BRWD3: variants seen among roughly 807,000 people sequenced by gnomAD.
The protein encoded by BRWD3 is bromodomain and WD repeat domain containing 3, also known as bromodomain and WD repeat-containing protein 3.
In BRWD3, 10 loss-of-function variants were observed where a neutral mutation model predicts 149.7. The observed-to-expected ratio is 0.07, with a 90% CI of 0.04 to 0.11. BRWD3 has a LOEUF of 0.11. Ranked by LOEUF, BRWD3 falls within the 10% of genes least tolerant of loss-of-function variation. BRWD3 has a pLI of 1.00. For synonymous variants in BRWD3, 504 were observed against 456.7 expected (o/e 1.10, Z -1.32); for missense variants, 940 against 1,373.2 (o/e 0.68, Z 4.99).
intron 39 of BRWD3, 32 bp downstream of exon 39, chrX:80,681,965 T>C (rs2072453724): frequency 1.8e-6 from 2 of 1,099,520 alleles, no homozygotes; most frequent in South Asian, 3.7e-5. Flanking sequence ...TAAACCGAGA[T>C]GCAGAACACC....
At chrX:80,808,207 A>G (rs1269772157) in intron 4 of BRWD3, among the ~76,000 whole-genome samples, 1 of 108,761 alleles carries the variant, frequency 9.2e-6, no homozygotes, top group Admixed American at 9.9e-5. Flanking sequence ...AGACCTTAGT[A>G]CGTGCCCCAA....
chrX:80,678,721 A>G (rs777516622), intron 40 of BRWD3, among the ~76,000 whole-genome samples: 1 of 111,317 alleles, frequency 9.0e-6, no homozygotes, highest in Non-Finnish European at 1.9e-5. Context: ...TGGGGTCGGT[A>G]GGAAACAAGA....
intron 8 of BRWD3, among the ~76,000 whole-genome samples, chrX:80,743,032 T>C (rs1435896443): frequency 2.7e-5 from 3 of 111,717 alleles, no homozygotes; most frequent in African/African-American, 9.8e-5. Context: ...GGCTGTGGGT[T>C]TGTCACAGAT....
At chrX:80,722,331 T>C (rs988998328) in intron 17 of BRWD3, among the ~76,000 whole-genome samples, 1 of 111,847 alleles carries the variant, frequency 8.9e-6, no homozygotes, top group African/African-American at 3.3e-5. Context: ...GTCAATACAT[T>C]ATCTGCTTGA....
intron 6 of BRWD3, among the ~76,000 whole-genome samples, chrX:80,768,422 T>C (rs1415669884): frequency 9.0e-6 from 1 of 111,650 alleles, no homozygotes; most frequent in Non-Finnish European, 1.9e-5. Context: ...TGGGGGCCAA[T>C]ATTCAACATT....
chrX:80,725,152 T>G (rs2073199295), intron 14 of BRWD3, 85 bp from the exon 15 acceptor site: 5 of 968,309 alleles, frequency 5.2e-6, no homozygotes, highest in Non-Finnish European at 7.3e-6. Context: ...TGCTATCAGT[T>G]AGGTTCAAAT....
In BRWD3 at chrX:80,749,810, C is replaced by A. The variant is rs1304101313; in HGVS notation, c.431-4081G>T. Reference sequence around the variant, plus strand: ...ACACTCTTATGCAAAAACAATGAAGCTAGAGGCATCATGCTCCCTGATTTT... The same window carrying A: ...ACACTCTTATGCAAAAACAATGAAGATAGAGGCATCATGCTCCCTGATTTT... On this transcript the variant is annotated intron_variant, in intron 6 of 40. Transcript: ENST00000373275. Among the ~76,000 whole-genome samples the A allele has an allele frequency of 3.6e-5, 4 of 111,597 alleles. No homozygotes were observed. In the East Asian group the frequency reaches 1.1e-3, roughly 31 times the overall value.
chrX:80,795,318 C>T (rs1037998554), intron 4 of BRWD3, among the ~76,000 whole-genome samples: 1 of 109,493 alleles, frequency 9.1e-6, no homozygotes, highest in Non-Finnish European at 1.9e-5. Flanking sequence ...GCTACAATGT[C>T]AATTTTTATA....
intron 6 of BRWD3, chrX:80,746,790 A>G (rs779195218): frequency 1.5e-6 from 1 of 687,294 alleles, no homozygotes; most frequent in African/African-American, 2.4e-5. Context: ...CCATGCCACA[A>G]TCAAAAATAT....
Position 80,700,001 on chromosome X carries a change from T to C in BRWD3, c.2899A>G (p.Ser967Gly). 8.3e-7 allele frequency: 1 copy of C among 1,210,376 alleles called. No individual in the cohort carries two copies. Among genetic ancestry groups the C allele is most frequent in the Non-Finnish European group, 1.1e-6 (1 of 894,786 alleles). ...VRAVRKSKIY[S>G]VNLQKQPWNK... is the part of the protein sequence containing the mutation. ...CATGGCTGTTTTTGTAAATTAACAC[T>C]GTATATTTTCGATTTCCTTACAGCC... Residue 967 changes from serine (S) to glycine (G), a missense_variant, in exon 25 of 41, where the codon AGT (serine) becomes GGT (glycine). Ser to Gly is a moderately conservative substitution (Grantham distance 56, BLOSUM62 0). Transcript: ENST00000373275.
In BRWD3 at chrX:80,809,414, C is replaced by T. The variant is rs747203463; in HGVS notation, c.31+27G>A. On this transcript the variant is annotated intron_variant, in intron 1 of 40. Coordinates refer to ENST00000373275, the MANE Select transcript of BRWD3 (RefSeq NM_153252.5). ...GCTAAGCCCCCATTCCCTTAGCACC[C>T]CCCCACCCCCCGACACAGCTACCCA... The T allele has an allele frequency of 1.5e-5, 17 of 1,135,570 alleles. No individual in the cohort carries two copies. The African/African-American group carries it at 2.7e-4, about 18-fold the overall frequency. 93.6% of individuals were successfully genotyped at this position (1,135,570 alleles called of 1,213,427 possible).
intron 3 of BRWD3, 93 bp from the exon 4 acceptor site, chrX:80,808,691 GTCC>G (rs2074375458): frequency 1.4e-6 from 1 of 719,793 alleles, no homozygotes. Context: ...CTGTGTCCCA[GTCC>G]TCAACACTTT....
At chrX:80,809,131 T>C in intron 2 of BRWD3, 89 bp from the exon 3 acceptor site, 5 of 1,147,864 alleles carry the variant, frequency 4.4e-6, no homozygotes, top group Non-Finnish European at 4.7e-6. Flanking sequence ...CGCTGACCGT[T>C]TGACTAGTCA....
chrX:80,719,945 C>T (rs1324333558), intron 17 of BRWD3, among the ~76,000 whole-genome samples: 3 of 111,121 alleles, frequency 2.7e-5, no homozygotes, highest in East Asian at 2.8e-4. Context: ...ACATATACGA[C>T]GGTAGTCTCA....
At position 80,717,766 on chromosome X, in the gene BRWD3, CA is replaced by C. The variant is rs775404811; in HGVS notation, c.2045-8del. Reference sequence around the variant, plus strand: ...ATGTTTGGACTTCTCAGAGCTAAAACAAAAACAAGGAAAATTATCACTTTGT... The same window carrying C: ...ATGTTTGGACTTCTCAGAGCTAAAACAAAACAAGGAAAATTATCACTTTGT... On this transcript the variant is annotated splice_region_variant and splice_polypyrimidine_tract_variant and intron_variant, in intron 18 of 40. Coordinates refer to ENST00000373275, the MANE Select transcript of BRWD3 (RefSeq NM_153252.5). 1.0e-5 allele frequency: 12 copies of C among 1,205,851 alleles called. No individual in the cohort carries two copies. The highest frequency in any genetic ancestry group is 1.3e-5 in the Non-Finnish European group (12 of 891,718).
intron 8 of BRWD3, among the ~76,000 whole-genome samples, chrX:80,742,817 A>G (rs1448151903): frequency 9.0e-6 from 1 of 111,315 alleles, no homozygotes; most frequent in African/African-American, 3.3e-5. Flanking sequence ...GAGTTTTCTA[A>G]ATATACAATC....
In BRWD3 at chrX:80,677,337, T is replaced by C; in HGVS notation, c.4681A>G (p.Asn1561Asp). 1 of 1,204,200 alleles carries C rather than the reference T, an allele frequency of 8.3e-7. No homozygotes were observed. The highest frequency in any genetic ancestry group is 1.1e-6 in the Non-Finnish European group (1 of 891,434). The part of the protein sequence containing the change: ...QDHSLDGPLT[N>D]GDGREPRTGI... ...GTCCGGGGCTCTCTGCCATCACCAT[T>C]TGTAAGGGGTCCATCAAGGGAGTGA... Residue 1561 changes from asparagine (N) to aspartate (D), a missense_variant, in exon 41 of 41, where the codon AAT (asparagine) becomes GAT (aspartate). By Grantham distance (23) the Asn-to-Asp change is conservative. Transcript: ENST00000373275.
At position 80,722,698 on chromosome X, in the gene BRWD3, A is replaced by G. The variant is rs1346139722; in HGVS notation, c.1740T>C (p.Ala580=). ...NYVLDEQTQQ[A]PHLMPPPFLV... is the part of the protein sequence containing the mutation. Reference sequence around the variant, plus strand: ...AAAATGGAGGAGGCATGAGGTGAGGAGCTTGTTGGGTTTGTTCATCCAATA... The same window carrying G: ...AAAATGGAGGAGGCATGAGGTGAGGGGCTTGTTGGGTTTGTTCATCCAATA... Residue 580 remains alanine, a synonymous_variant, in exon 17 of 41, where the codon GCT becomes GCC. Transcript: ENST00000373275. The G allele has an allele frequency of 8.3e-7, 1 of 1,210,191 alleles. No individual in the cohort carries two copies. Among genetic ancestry groups the G allele is most frequent in the Non-Finnish European group, 1.1e-6 (1 of 894,355 alleles).
intron 27 of BRWD3, 36 bp from the exon 28 acceptor site, chrX:80,693,087 G>T: frequency 9.7e-7 from 1 of 1,028,848 alleles, no homozygotes; most frequent in Non-Finnish European, 1.4e-6. Context: ...GGATGCTCTT[G>T]AGAATATTAG....
Sources: allele counts gnomAD v4.1 joint callset (sites outside exome capture counted in the v4.1 genomes callset), GRCh38; gene constraint gnomAD v4.1.1; transcripts MANE v1.5; gene names NCBI Gene and HGNC (gene_info 2026-07-23, HGNC 2026-07-21).